KANSL2: variants seen among roughly 807,000 people sequenced by gnomAD.
The protein encoded by KANSL2 is NSL complex protein NSL2.
In KANSL2, 34 loss-of-function variants were observed where a neutral mutation model predicts 55.6. That is an observed-to-expected ratio of 0.61 (90% CI 0.46 to 0.81). The LOEUF is 0.81. Among genes scored for constraint, KANSL2 ranks in the 40% least tolerant of loss-of-function variants. The pLI is 0.00. For synonymous variants in KANSL2, 209 were observed against 214.3 expected, an observed-to-expected ratio of 0.98 and a Z score of 0.22; for missense variants, 502 against 609.9, an observed-to-expected ratio of 0.82 and a Z score of 1.86.
chr12:48,681,979 C>T lies in KANSL2; in HGVS notation c.-10+208G>A, dbSNP rs189045053. The T allele has an allele frequency of 1.0e-5, 7 of 702,972 alleles. No individual in the cohort carries two copies. In the African/African-American group the frequency reaches 1.2e-4, roughly 12 times the overall value. 43.5% of individuals were successfully genotyped at this position (702,972 alleles called of 1,614,324 possible). Reference sequence around the variant, plus strand: ...GCCTTTGTCCCGGCCTGCCTCAGAGCGCACGACTGGGCCTGGCCTCGGAAG... The same window carrying T: ...GCCTTTGTCCCGGCCTGCCTCAGAGTGCACGACTGGGCCTGGCCTCGGAAG... On this transcript the variant is annotated intron_variant, in intron 1 of 9. Coordinates refer to ENST00000420613, the MANE Select transcript of KANSL2 (RefSeq NM_017822.4).
intron 8 of KANSL2, among the ~76,000 whole-genome samples, chr12:48,657,311 G>A (rs1350201949): frequency 6.6e-6 from 1 of 152,096 alleles, no homozygotes; most frequent in Non-Finnish European, 1.5e-5. Flanking sequence ...TGTAGTCCCA[G>A]CTACTCAGGA....
At chr12:48,672,428 TA>T (rs372159988) in intron 4 of KANSL2, among the ~76,000 whole-genome samples, 20,995 of 125,664 alleles carry the variant, frequency 0.17, 2,277 homozygotes, top group Non-Finnish European at 0.25. Flanking sequence ...TATATATATA[TA>T]TATATTTTTT....
chr12:48,672,433 A>T (rs57874267), intron 4 of KANSL2, among the ~76,000 whole-genome samples: 56,742 of 120,024 alleles, frequency 0.47, 14,694 homozygotes, highest in African/African-American at 0.66. Flanking sequence ...ATATATATAT[A>T]TTTTTTTTTT....
At chr12:48,676,424 G>A (rs184659350) in intron 4 of KANSL2, among the ~76,000 whole-genome samples, 114 of 152,186 alleles carry the variant, frequency 7.5e-4, no homozygotes, top group African/African-American at 2.5e-3. Flanking sequence ...ACTTTGGGAG[G>A]CTGACGGGCA....
chr12:48,658,159 A>T (rs773183986), intron 8 of KANSL2, among the ~76,000 whole-genome samples: 26 of 152,054 alleles, frequency 1.7e-4, no homozygotes, highest in Non-Finnish European at 3.2e-4. Flanking sequence ...TGAACCCAGG[A>T]GGCAGACAGT....
At chr12:48,666,477 G>A (rs934246576) in intron 7 of KANSL2, among the ~76,000 whole-genome samples, 1 of 151,902 alleles carries the variant, frequency 6.6e-6, no homozygotes, top group Admixed American at 6.6e-5. Context: ...CAGATCACTT[G>A]AGGTCAGGAA....
chr12:48,660,420 G>A lies in KANSL2; in HGVS notation c.1173C>T (p.Tyr391=). ...DDLEAGPMDL[Y]LSAAELQPTE... The stretch of plus-strand genomic sequence containing the variant: ...TGGGCTGAAGCTCAGCAGCACTCAA[G>A]TACAGATCCATGGGGCCGGCTTCCA... Residue 391 remains tyrosine, a synonymous_variant, in exon 8 of 10, where the codon TAC becomes TAT. Transcript: ENST00000420613. 6.2e-7 allele frequency: 1 copy of A among 1,613,926 alleles called. No homozygotes were observed. Among genetic ancestry groups the A allele is most frequent in the Non-Finnish European group, 8.5e-7 (1 of 1,179,864 alleles).
rs1464528833 is a variant in KANSL2, at chr12:48,669,134, A to G, written c.848T>C (p.Met283Thr). The G allele has an allele frequency of 6.5e-7, 1 of 1,550,084 alleles. No individual in the cohort carries two copies. Among genetic ancestry groups the G allele is most frequent in the African/African-American group, 1.4e-5 (1 of 72,990 alleles). Residue 283 changes from methionine to threonine, a missense_variant, in exon 6 of 10, where the codon ATG becomes ACG. Transcript: ENST00000420613. ...LLHRQLKERRMLATDGAAQQA... is the reference protein window; with the variant it reads ...LLHRQLKERRTLATDGAAQQA... Reference sequence around the variant, plus strand: ...TTGGGCAGCACCATCTGTGGCCAGCATTCTCCGTTCCTTCAACTGCCTATG... The same window carrying G: ...TTGGGCAGCACCATCTGTGGCCAGCGTTCTCCGTTCCTTCAACTGCCTATG...
intron 7 of KANSL2, among the ~76,000 whole-genome samples, chr12:48,665,146 GAAC>G (rs917921330): frequency 3.9e-5 from 6 of 151,900 alleles, no homozygotes; most frequent in Admixed American, 2.6e-4. Flanking sequence ...TATATATTAA[GAAC>G]AATAATCTCT....
chr12:48,679,465 G>C (rs1192375711), intron 3 of KANSL2, among the ~76,000 whole-genome samples, 190 bp downstream of exon 3: 1 of 152,148 alleles, frequency 6.6e-6, no homozygotes, highest in African/African-American at 2.4e-5. Context: ...ACCAACTCAG[G>C]AAAGTAAACC....
chr12:48,675,766 T>C (rs936096393), intron 4 of KANSL2, among the ~76,000 whole-genome samples: 3 of 152,184 alleles, frequency 2.0e-5, no homozygotes, highest in South Asian at 2.1e-4. Flanking sequence ...TAAAGATGAA[T>C]GCGCCAGACT....
At chr12:48,664,879 C>CTTT (rs367566566) in intron 7 of KANSL2, among the ~76,000 whole-genome samples, 16,030 of 94,508 alleles carry the variant, frequency 0.17, 2,509 homozygotes, top group Non-Finnish European at 0.27. Flanking sequence ...ACTGCGCCCG[C>CTTT]TTTTTTTTTT....
At chr12:48,680,065 G>T (rs1939892025) in intron 2 of KANSL2, 1 of 446,242 alleles carries the variant, frequency 2.2e-6, no homozygotes. Context: ...AGCACTTTGG[G>T]AGGCTGAGGC....
chr12:48,673,106 T>C (rs1199019666), intron 4 of KANSL2, among the ~76,000 whole-genome samples: 3 of 152,174 alleles, frequency 2.0e-5, no homozygotes, highest in Non-Finnish European at 2.9e-5. Context: ...GGAGCTCATA[T>C]GGACCCTCAA....
chr12:48,661,195 C>T, intron 7 of KANSL2: 1 of 856,662 alleles, frequency 1.2e-6, no homozygotes, highest in Non-Finnish European at 1.4e-6. Context: ...ATATACATGC[C>T]TTTTTTTTTT....
At chr12:48,658,878 G>A (rs1333240438) in intron 8 of KANSL2, among the ~76,000 whole-genome samples, 1 of 152,230 alleles carries the variant, frequency 6.6e-6, no homozygotes, top group Non-Finnish European at 1.5e-5. Context: ...GTTACTACTT[G>A]CCAACCATCC....
At chr12:48,672,356 CAT>C (rs1169761239) in intron 4 of KANSL2, among the ~76,000 whole-genome samples, 33 of 141,500 alleles carry the variant, frequency 2.3e-4, no homozygotes, top group African/African-American at 8.4e-4. Context: ...TTCACATATA[CAT>C]ATATACATGT....
intron 7 of KANSL2, among the ~76,000 whole-genome samples, chr12:48,666,169 C>A (rs916324817): frequency 1.3e-5 from 2 of 152,010 alleles, no homozygotes; most frequent in African/African-American, 4.8e-5. Flanking sequence ...CATCATCATG[C>A]CACTGCACTC....
At chr12:48,664,327 G>C (rs1437229759) in intron 7 of KANSL2, among the ~76,000 whole-genome samples, 2 of 151,240 alleles carry the variant, frequency 1.3e-5, no homozygotes, top group African/African-American at 4.9e-5. Flanking sequence ...GCCCAGGCTG[G>C]AGTGCAGTGG....
Sources: gnomAD v4.1 joint callset for allele counts (sites outside exome capture counted in the v4.1 genomes callset) on GRCh38, gnomAD v4.1.1 for gene constraint, MANE v1.5 for transcripts, NCBI Gene and HGNC (gene_info 2026-07-23, HGNC 2026-07-21) for gene names.